The following PPP3R1 variants were observed in gnomAD, a reference collection of about 807,000 sequenced individuals.
The protein encoded by PPP3R1 is protein phosphatase 3 regulatory subunit B, alpha.
In PPP3R1, 5 loss-of-function variants were observed where a neutral mutation model predicts 22.6. The ratio of observed to expected loss-of-function variants is 0.22; its 90% CI spans 0.12 to 0.46. The LOEUF is 0.46. Ranked by LOEUF, PPP3R1 falls within the 20% of genes least tolerant of loss-of-function variation. The pLI is 0.99. For synonymous variants in PPP3R1, 56 were observed against 65.2 expected (o/e 0.86, Z 0.68); for missense variants, 61 against 203.2 (o/e 0.30, Z 4.25).
At chr2:68,194,905 C>G (rs181489752) in intron 2 of PPP3R1, among the ~76,000 whole-genome samples, 8 of 152,180 alleles carry the variant, frequency 5.3e-5, no homozygotes, top group Admixed American at 3.3e-4. Flanking sequence ...CCTATTAATA[C>G]ACCAACTGAT....
chr2:68,184,732 C>G (rs975110400), intron 5 of PPP3R1, among the ~76,000 whole-genome samples: 1 of 152,138 alleles, frequency 6.6e-6, no homozygotes, highest in Admixed American at 6.5e-5. Context: ...AAAAACACAA[C>G]GAACATTTTT....
chr2:68,183,713 T>C (rs541973142), intron 5 of PPP3R1, among the ~76,000 whole-genome samples: 107 of 152,348 alleles, frequency 7.0e-4, no homozygotes, highest in African/African-American at 2.3e-3. Flanking sequence ...AAATTTTTAC[T>C]GGTCTTGTCT....
chr2:68,236,567 A>G (rs556425649), intron 1 of PPP3R1, among the ~76,000 whole-genome samples: 2 of 152,254 alleles, frequency 1.3e-5, no homozygotes, highest in South Asian at 4.1e-4. Context: ...TGGTGAGGAG[A>G]ATGACAACAT....
At chr2:68,251,067 G>A (rs1462722805) in intron 1 of PPP3R1, 1 of 152,178 alleles carries the variant, frequency 6.6e-6, no homozygotes, top group East Asian at 1.9e-4. Flanking sequence ...GCATGATGGA[G>A]TATCTGATAT....
At chr2:68,227,805 T>G (rs1669816051) in intron 1 of PPP3R1, among the ~76,000 whole-genome samples, 1 of 152,178 alleles carries the variant, frequency 6.6e-6, no homozygotes, top group Non-Finnish European at 1.5e-5. Flanking sequence ...AACAACAATT[T>G]TTGTGTTTAT....
At chr2:68,237,267 A>G (rs1186780510) in intron 1 of PPP3R1, among the ~76,000 whole-genome samples, 2 of 152,192 alleles carry the variant, frequency 1.3e-5, no homozygotes, top group African/African-American at 2.4e-5. Context: ...TCCTTAAAAA[A>G]TGTAAAAAGC....
At chr2:68,225,404 C>T (rs1161990325) in intron 1 of PPP3R1, among the ~76,000 whole-genome samples, 3 of 152,114 alleles carry the variant, frequency 2.0e-5, no homozygotes, top group Non-Finnish European at 4.4e-5. Flanking sequence ...TAAGAGTGAC[C>T]TCTAGTGAAC....
intron 1 of PPP3R1, among the ~76,000 whole-genome samples, chr2:68,234,154 T>C (rs1215773936): frequency 6.6e-6 from 1 of 152,028 alleles, no homozygotes; most frequent in African/African-American, 2.4e-5. Context: ...CCATCCTGGC[T>C]AACACGGTGA....
At chr2:68,185,685 G>A (rs1674531531) in intron 5 of PPP3R1, among the ~76,000 whole-genome samples, 1 of 151,978 alleles carries the variant, frequency 6.6e-6, no homozygotes, top group South Asian at 2.1e-4. Flanking sequence ...CCAGTTCACA[G>A]TGACCCTTGG....
intron 2 of PPP3R1, among the ~76,000 whole-genome samples, chr2:68,198,384 C>CAT (rs1308405771): frequency 9.9e-6 from 1 of 101,288 alleles, no homozygotes; most frequent in African/African-American, 4.6e-5. Context: ...CATGTATATG[C>CAT]ATATATATGT....
chr2:68,217,479 A>C (rs1304047615), intron 1 of PPP3R1, among the ~76,000 whole-genome samples: 6 of 152,114 alleles, frequency 3.9e-5, no homozygotes, highest in African/African-American at 1.4e-4. Flanking sequence ...TGCTGGGTGA[A>C]CTGATTTTGC....
intron 1 of PPP3R1, among the ~76,000 whole-genome samples, chr2:68,223,605 C>A (rs140912111): frequency 2.0e-5 from 3 of 151,872 alleles, no homozygotes; most frequent in African/African-American, 7.3e-5. Context: ...ACCACATGGC[C>A]AACCAAACAG....
chr2:68,205,574 A>G (rs1266446262), intron 2 of PPP3R1, among the ~76,000 whole-genome samples: 2 of 152,114 alleles, frequency 1.3e-5, no homozygotes, highest in Non-Finnish European at 2.9e-5. Flanking sequence ...ACTCTTTAAC[A>G]CATCATAACA....
At chr2:68,201,094 G>A (rs377265921) in intron 2 of PPP3R1, among the ~76,000 whole-genome samples, 4 of 151,876 alleles carry the variant, frequency 2.6e-5, no homozygotes, top group African/African-American at 9.7e-5. Flanking sequence ...GGCTCCTAAA[G>A]CATTTCTTTT....
intron 2 of PPP3R1, among the ~76,000 whole-genome samples, chr2:68,196,694 C>T (rs1367973117): frequency 6.6e-6 from 1 of 151,890 alleles, no homozygotes; most frequent in African/African-American, 2.4e-5. Flanking sequence ...CTCGGTATCA[C>T]CACCAACAAA....
At chr2:68,222,178 A>G (rs960959200) in intron 1 of PPP3R1, among the ~76,000 whole-genome samples, 1 of 152,224 alleles carries the variant, frequency 6.6e-6, no homozygotes, top group African/African-American at 2.4e-5. Flanking sequence ...CAACAGCACA[A>G]AAGGGTAGAG....
At chr2:68,237,223 ATACTACATACTGGTTTCCAGTAG>A (rs2103802784) in intron 1 of PPP3R1, among the ~76,000 whole-genome samples, 1 of 152,314 alleles carries the variant, frequency 6.6e-6, no homozygotes, top group Non-Finnish European at 1.5e-5. Flanking sequence ...CCTGCCAAGA[ATACTACATACTGGTTTCCAGTAG>A]TTCAATTGAT....
intron 1 of PPP3R1, among the ~76,000 whole-genome samples, chr2:68,221,491 T>C (rs374378236): frequency 8.5e-5 from 13 of 152,064 alleles, no homozygotes; most frequent in African/African-American, 2.6e-4. Context: ...AAGCAAGACT[T>C]TGTAAATAAA....
Position 68,232,111 on chromosome 2 carries a change from AT to A in PPP3R1, c.4-14981del, listed in dbSNP as rs1558641253. Among the ~76,000 whole-genome samples the A allele has an allele frequency of 2.3e-4, 13 of 55,658 alleles. 2 individuals are homozygous for A. The highest frequency in any genetic ancestry group is 5.8e-4 in the African/African-American group (8 of 13,684). The allele number at this position is 55,658 out of a possible 152,430, so 36.5% of individuals were successfully genotyped here. A position where few individuals can be genotyped will look rare whatever the true frequency, so the allele number is the denominator to read the frequency against. Reference sequence around the variant, plus strand: ...CCGTATCTACTAAAAAAAAAAAAATATATATATATATATACACACACACACA... The same window carrying A: ...CCGTATCTACTAAAAAAAAAAAAATAATATATATATATACACACACACACA... On this transcript the variant is annotated intron_variant, in intron 1 of 5. Transcript: ENST00000234310.
Sources: gnomAD v4.1 joint callset for allele counts (sites outside exome capture counted in the v4.1 genomes callset) on GRCh38, gnomAD v4.1.1 for gene constraint, MANE v1.5 for transcripts, NCBI Gene and HGNC (gene_info 2026-07-23, HGNC 2026-07-21) for gene names.